The following HIVEP1 variants were observed in gnomAD, a reference collection of about 807,000 sequenced individuals.
The protein encoded by HIVEP1 is HIVEP zinc finger 1.
HIVEP1 carries 36 observed loss-of-function variants against 180.0 expected under a neutral mutation model. The observed-to-expected ratio is 0.20, with a 90% CI of 0.15 to 0.26. The LOEUF (loss-of-function observed/expected upper bound fraction) is 0.26, where lower values mean the gene tolerates loss of function less well. Among genes scored for constraint, HIVEP1 ranks in the 10% least tolerant of loss-of-function variants. HIVEP1 has a pLI of 1.00. For synonymous variants in HIVEP1, 1,239 were observed against 1,239.0 expected, an observed-to-expected ratio of 1.00 and a Z score of 0.00; for missense variants, 3,143 against 3,268.7, an observed-to-expected ratio of 0.96 and a Z score of 0.94.
In HIVEP1 at chr6:12,121,974, A is replaced by C; in HGVS notation, c.2179A>C (p.Lys727Gln). Residue 727 changes from lysine to glutamine, a missense_variant, in exon 4 of 9, where the codon AAG (lysine) becomes CAG (glutamine). Coordinates refer to ENST00000379388, the MANE Select transcript of HIVEP1 (RefSeq NM_002114.4). This position sits in a 1 kb window ranked among gnomAD's most constrained non-coding sequence, Gnocchi z 5.3. ...ACCCTCTGCTTTGCCCACAGGGGAAAAGGCATTGCTTTTACCAGGTCAGAT... is the reference window on the plus strand; with the variant it reads ...ACCCTCTGCTTTGCCCACAGGGGAACAGGCATTGCTTTTACCAGGTCAGAT... ...STPSALPTGE[K>Q]ALLLPGQMRP... 6.2e-7 allele frequency: 1 copy of C among 1,614,144 alleles called. No individual in the cohort carries two copies. Among genetic ancestry groups the C allele is most frequent in the Non-Finnish European group, 8.5e-7 (1 of 1,180,014 alleles).
chr6:12,107,411 G>A (rs954870401), intron 3 of HIVEP1, among the ~76,000 whole-genome samples: 3 of 152,216 alleles, frequency 2.0e-5, no homozygotes, highest in African/African-American at 7.2e-5. Context: ...TTGCCTCGAT[G>A]CAGATTGCTG....
intron 3 of HIVEP1, among the ~76,000 whole-genome samples, chr6:12,093,534 T>G (rs941988215): frequency 1.3e-5 from 2 of 151,698 alleles, no homozygotes; most frequent in African/African-American, 4.8e-5. Flanking sequence ...ATCTGGAGTT[T>G]GTTTTTTTAA....
chr6:12,178,735 TCCCCAC>T, the HIVEP1 span, among the ~76,000 whole-genome samples: 1 of 151,470 alleles, frequency 6.6e-6, no homozygotes, highest in African/African-American at 2.4e-5. Flanking sequence ...GTTCCAGCAA[TCCCCAC>T]TCCCTTACAT....
At chr6:12,194,973 A>T in the HIVEP1 span, among the ~76,000 whole-genome samples, 1 of 152,110 alleles carries the variant, frequency 6.6e-6, no homozygotes, top group East Asian at 1.9e-4. Flanking sequence ...AAGAAAATCA[A>T]ATTATGCAAT....
At chr6:12,030,961 T>C (rs1020358560) in intron 2 of HIVEP1, among the ~76,000 whole-genome samples, 4 of 152,220 alleles carry the variant, frequency 2.6e-5, no homozygotes, top group African/African-American at 9.6e-5. Context: ...CTGGACTAAA[T>C]ATGTGAAGGC....
At chr6:12,149,026 C>G (rs1759534191) in intron 7 of HIVEP1, among the ~76,000 whole-genome samples, 1 of 152,142 alleles carries the variant, frequency 6.6e-6, no homozygotes, top group South Asian at 2.1e-4. Context: ...TATGAAACAT[C>G]AAGTCTTGAT....
At chr6:12,035,142 T>C (rs976435733) in intron 2 of HIVEP1, among the ~76,000 whole-genome samples, 1 of 152,212 alleles carries the variant, frequency 6.6e-6, no homozygotes, top group Non-Finnish European at 1.5e-5. Flanking sequence ...TTGGCTAAAA[T>C]TGATCTATGA....
At chr6:12,168,209 TAC>T (rs1491152282), downstream of HIVEP1, among the ~76,000 whole-genome samples, 232 of 100,926 alleles carry the variant, frequency 2.3e-3, 7 homozygotes, top group African/African-American at 8.3e-3. Flanking sequence ...TATACATATA[TAC>T]ATATATACAT....
downstream of HIVEP1, among the ~76,000 whole-genome samples, chr6:12,167,709 A>G (rs146354175): frequency 0.12 from 7,292 of 62,752 alleles, 371 homozygotes; most frequent in Middle Eastern, 0.28. Context: ...ATATACATAT[A>G]TGCATAATAT....
chr6:12,074,641 T>TGC, intron 2 of HIVEP1, among the ~76,000 whole-genome samples: 2 of 150,040 alleles, frequency 1.3e-5, no homozygotes, highest in African/African-American at 2.5e-5. Context: ...TGTGTGTGTG[T>TGC]GTGCGCGCGC....
chr6:12,120,718 C>T lies in HIVEP1; in HGVS notation c.923C>T (p.Thr308Ile), dbSNP rs1581722447. 1 of 1,614,216 alleles carries T rather than the reference C, an allele frequency of 6.2e-7. No homozygotes were observed. The highest frequency in any genetic ancestry group is 8.5e-7 in the Non-Finnish European group (1 of 1,180,030). ...CAGCTTCCGGGGTGTTCAGGTTTCA[C>T]AGGATCACTGACAAATCTGCAAAAT... The part of the protein sequence containing the change: ...NQQLPGCSGF[T>I]GSLTNLQNQE... The change falls in exon 4 of 9, where the codon ACA (threonine) becomes ATA (isoleucine). Residue 308 changes from threonine to isoleucine, a missense_variant. By Grantham distance (89) the Thr-to-Ile change is moderately conservative. Around this residue, in one of 12 missense-constraint regions of HIVEP1, gnomAD observed 306 missense variants for 310.6 expected, o/e 0.99. Transcript: ENST00000379388.
chr6:12,133,711 G>A (rs554249699), intron 6 of HIVEP1, among the ~76,000 whole-genome samples: 5 of 152,260 alleles, frequency 3.3e-5, no homozygotes, highest in African/African-American at 1.2e-4. Context: ...GGCCAGGTGC[G>A]GTGGCTCACA....
At chr6:12,089,367 T>G in intron 3 of HIVEP1, 130 bp downstream of exon 3, 1 of 519,036 alleles carries the variant, frequency 1.9e-6, no homozygotes. Context: ...CTTGAACTTA[T>G]TGATACTTAA....
chr6:12,080,052 T>G (rs1328839091), intron 2 of HIVEP1, among the ~76,000 whole-genome samples: 1 of 152,126 alleles, frequency 6.6e-6, no homozygotes, highest in Non-Finnish European at 1.5e-5. Context: ...GTTAAATCTT[T>G]AAAAATATGC....
intron 3 of HIVEP1, among the ~76,000 whole-genome samples, chr6:12,104,206 C>T (rs1367412438): frequency 6.6e-6 from 1 of 152,128 alleles, no homozygotes; most frequent in East Asian, 1.9e-4. Flanking sequence ...TAGATTCATG[C>T]ATTTCATTCA....
At chr6:12,167,847 A>G (rs55754666), downstream of HIVEP1, among the ~76,000 whole-genome samples, 62 of 144,768 alleles carry the variant, frequency 4.3e-4, no homozygotes, top group African/African-American at 1.5e-3. Flanking sequence ...ATGTACATGT[A>G]TAGATGTGCG....
chr6:12,061,745 T>C (rs1025899652), intron 2 of HIVEP1, among the ~76,000 whole-genome samples: 1 of 152,208 alleles, frequency 6.6e-6, no homozygotes, highest in Non-Finnish European at 1.5e-5. Flanking sequence ...TATATTTGTC[T>C]TTTGTTTTCT....
chr6:12,062,409 A>G (rs371456819), intron 2 of HIVEP1, among the ~76,000 whole-genome samples: 1 of 152,308 alleles, frequency 6.6e-6, no homozygotes, highest in East Asian at 1.9e-4. Flanking sequence ...ATAAACATTT[A>G]TGAGTTATTA....
intron 2 of HIVEP1, among the ~76,000 whole-genome samples, chr6:12,047,822 C>A (rs1224341848): frequency 6.6e-6 from 1 of 152,202 alleles, no homozygotes; most frequent in Non-Finnish European, 1.5e-5. Context: ...CATGAGAGAT[C>A]GCTTGCAGTC....
Sources: gnomAD v4.1 joint callset for allele counts (sites outside exome capture counted in the v4.1 genomes callset) on GRCh38, gnomAD v4.1.1 for gene constraint, gnomAD v4.1.1 regional missense constraint, Gnocchi (gnomAD v3.1) non-coding constraint, MANE v1.5 for transcripts, NCBI Gene and HGNC (gene_info 2026-07-23, HGNC 2026-07-21) for gene names.